Variants in SCAI observed in about 807,000 individuals in gnomAD.
The protein encoded by SCAI is suppressor of cancer cell invasion.
In SCAI, 24 loss-of-function variants were observed where a neutral mutation model predicts 92.2. That is an observed-to-expected ratio of 0.26 (90% CI 0.19 to 0.37). The LOEUF (loss-of-function observed/expected upper bound fraction) is 0.37. SCAI is among the 10% of genes least tolerant of loss of function. The pLI is 1.00. For synonymous variants in SCAI, 261 were observed against 258.6 expected (o/e 1.01, Z -0.09); for missense variants, 450 against 736.2 (o/e 0.61, Z 4.50).
intron 17 of SCAI, among the ~76,000 whole-genome samples, chr9:124,965,699 A>G (rs972262282): frequency 1.3e-5 from 2 of 152,124 alleles, no homozygotes; most frequent in Non-Finnish European, 2.9e-5. Context: ...TCCTTACTGG[A>G]TTAATTTATC....
intron 14 of SCAI, among the ~76,000 whole-genome samples, chr9:124,989,455 C>T (rs1345122721): frequency 1.3e-5 from 2 of 152,016 alleles, no homozygotes; most frequent in Non-Finnish European, 2.9e-5. Context: ...GTGGTGTGCG[C>T]CTGTAATCCC....
At chr9:125,135,982 A>AC (rs1835515655) in intron 2 of SCAI, among the ~76,000 whole-genome samples, 1 of 151,820 alleles carries the variant, frequency 6.6e-6, no homozygotes, top group African/African-American at 2.4e-5. Flanking sequence ...AAAAAAAAAA[A>AC]AAACAAAAAA....
At position 124,951,059 on chromosome 9, in the gene SCAI, TAA is replaced by T. The variant is rs55938057; in HGVS notation, c.*1746_*1747del. The T allele has an allele frequency of 0.36, 41,523 of 116,206 alleles. 6,646 individuals are homozygous for T. Among genetic ancestry groups the T allele is most frequent in the South Asian group, 0.41 (1,514 of 3,650 alleles). The allele number at this position is 116,206 out of a possible 1,614,324, so 7.2% of individuals were successfully genotyped here. A position where few individuals can be genotyped will look rare whatever the true frequency, so the allele number is the denominator to read the frequency against. ...GGCAACAAAGCAAGACTCTGTCTCT[TAA>T]AAAAAAAAAAAAAAAAAAGTAAAAT... On this transcript the variant is annotated 3_prime_UTR_variant, in exon 18 of 18. Transcript: ENST00000336505.
chr9:125,014,350 A>G (rs1448074828), intron 9 of SCAI, among the ~76,000 whole-genome samples: 1 of 152,128 alleles, frequency 6.6e-6, no homozygotes, highest in East Asian at 1.9e-4. Flanking sequence ...TACAAAAATC[A>G]ATGTACAAAA....
At chr9:125,083,107 G>A (rs1345190780) in intron 2 of SCAI, among the ~76,000 whole-genome samples, 1 of 152,148 alleles carries the variant, frequency 6.6e-6, no homozygotes, top group Non-Finnish European at 1.5e-5. Context: ...ATGAATGGGG[G>A]CAAGTCTTTC....
chr9:125,042,853 C>T (rs1044031781), intron 3 of SCAI, among the ~76,000 whole-genome samples: 2 of 140,070 alleles, frequency 1.4e-5, no homozygotes, highest in South Asian at 2.3e-4. Flanking sequence ...CATTCTGCTC[C>T]CTGGCTTTTT....
intron 13 of SCAI, among the ~76,000 whole-genome samples, chr9:124,997,888 A>G (rs901309914): frequency 4.6e-5 from 7 of 151,674 alleles, no homozygotes; most frequent in East Asian, 1.9e-4. Context: ...AAAAAAAAAA[A>G]AAAGAAAAGA....
chr9:125,024,838 A>G (rs551679241), intron 6 of SCAI, among the ~76,000 whole-genome samples: 7 of 152,250 alleles, frequency 4.6e-5, no homozygotes, highest in African/African-American at 1.7e-4. Context: ...GGCTGTATGT[A>G]ATATCTCCTC....
chr9:124,984,948 T>G (rs73666663), intron 14 of SCAI, among the ~76,000 whole-genome samples: 2,949 of 152,246 alleles, frequency 0.019, 85 homozygotes, highest in African/African-American at 0.067. Context: ...TGAAAGGATA[T>G]GCAGATTCCA....
At chr9:125,042,634 T>TACACACACACACAC (rs1554783862) in intron 3 of SCAI, among the ~76,000 whole-genome samples, 1 of 96,192 alleles carries the variant, frequency 1.0e-5, no homozygotes, top group African/African-American at 3.9e-5. Context: ...TGTGTGTGTG[T>TACACACACACACAC]ACACACACAC....
chr9:124,976,024 T>C lies in SCAI; in HGVS notation c.1399+90A>G, dbSNP rs1771046109. 5 of 826,548 alleles carry C rather than the reference T, an allele frequency of 6.0e-6. No homozygotes were observed. The Admixed American group carries it at 7.7e-5, about 13-fold the overall frequency. 51.2% of individuals were successfully genotyped at this position (826,548 alleles called of 1,614,324 possible). On this transcript the variant is annotated intron_variant, in intron 15 of 17. Coordinates refer to ENST00000336505, the MANE Select transcript of SCAI (RefSeq NM_001144877.3). ...ACCATAAATCCACACGCGATCATTA[T>C]GGGAGGAAAAAACAAAGATCAGTAC...
chr9:125,027,026 G>T, intron 5 of SCAI, 116 bp from the exon 6 acceptor site: 1 of 475,344 alleles, frequency 2.1e-6, no homozygotes, highest in Middle Eastern at 2.9e-4. Context: ...GGGTGGGAAT[G>T]ACTGTCCTAA....
At chr9:125,098,120 T>A (rs549260073) in intron 2 of SCAI, among the ~76,000 whole-genome samples, 313 of 152,002 alleles carry the variant, frequency 2.1e-3, no homozygotes, top group Non-Finnish European at 3.9e-3. Flanking sequence ...AGTGGCACAA[T>A]CATAGCTCAC....
At chr9:124,995,596 C>T (rs1282722079) in intron 13 of SCAI, among the ~76,000 whole-genome samples, 1 of 151,764 alleles carries the variant, frequency 6.6e-6, no homozygotes, top group Non-Finnish European at 1.5e-5. Context: ...CTCAGGTGAT[C>T]CTCCCACCTC....
chr9:124,986,901 A>G (rs1832004360), intron 14 of SCAI, among the ~76,000 whole-genome samples: 1 of 152,090 alleles, frequency 6.6e-6, no homozygotes, highest in African/African-American at 2.4e-5. Flanking sequence ...TTAGATAAAT[A>G]CTCCTGTTTT....
chr9:125,052,388 T>C (rs1833577514), intron 3 of SCAI, among the ~76,000 whole-genome samples: 1 of 152,056 alleles, frequency 6.6e-6, no homozygotes, highest in South Asian at 2.1e-4. Context: ...CTGGCCAACA[T>C]GGTGAAATCC....
Position 125,042,664 on chromosome 9 carries a change from C to CACACACACACACAT in SCAI, c.231-12926_231-12925insATGTGTGTGTGTGT, listed in dbSNP as rs139156398. Among the ~76,000 whole-genome samples, 326 of 129,784 alleles carry CACACACACACACAT rather than the reference C, an allele frequency of 2.5e-3. 1 individual carries two copies. The highest frequency in any genetic ancestry group is 7.8e-3 in the African/African-American group (279 of 35,598). The allele number at this position is 129,784 out of a possible 152,430, so 85.1% of individuals were successfully genotyped here. On this transcript the variant is annotated intron_variant, in intron 3 of 17. Transcript: ENST00000336505. Reference sequence around the variant, plus strand: ...ACACACACACACACACACACACACACACATATACAAAAAGAAACATACATA... The same window carrying CACACACACACACAT: ...ACACACACACACACACACACACACACACACACACACACATACATATACAAAAAGAAACATACATA...
intron 3 of SCAI, among the ~76,000 whole-genome samples, chr9:125,049,436 T>C (rs1833511527): frequency 6.6e-6 from 1 of 152,232 alleles, no homozygotes; most frequent in Non-Finnish European, 1.5e-5. Flanking sequence ...CTGCAAGCAC[T>C]TGGGCTTTTG....
At chr9:125,008,917 G>A (rs1047234209) in intron 9 of SCAI, among the ~76,000 whole-genome samples, 1 of 152,062 alleles carries the variant, frequency 6.6e-6, no homozygotes, top group Non-Finnish European at 1.5e-5. Context: ...AAACTGCAAA[G>A]AATCAAAGAA....
Sources: gnomAD v4.1 joint callset for allele counts (sites outside exome capture counted in the v4.1 genomes callset) on GRCh38, gnomAD v4.1.1 for gene constraint, MANE v1.5 for transcripts, NCBI Gene and HGNC (gene_info 2026-07-23, HGNC 2026-07-21) for gene names.